Variants in SORD observed in about 807,000 individuals in gnomAD.
The protein encoded by SORD is sorbitol dehydrogenase.
A neutral mutation model predicts 35.6 loss-of-function variants in SORD; 18 were observed. The ratio of observed to expected loss-of-function variants is 0.51; its 90% CI spans 0.35 to 0.75. SORD has a LOEUF of 0.75. SORD is among the 30% of genes least tolerant of loss of function. The pLI is 0.01. For synonymous variants in SORD, 106 were observed against 152.9 expected, an observed-to-expected ratio of 0.69 and a Z score of 2.26; for missense variants, 250 against 390.2, an observed-to-expected ratio of 0.64 and a Z score of 3.03.
At chr15:45,049,096 G>A (rs1021318989) in intron 3 of SORD, among the ~76,000 whole-genome samples, 2 of 152,174 alleles carry the variant, frequency 1.3e-5, no homozygotes, top group African/African-American at 2.4e-5. Context: ...CTGATTACCC[G>A]AAGAACAGAG....
intron 1 of SORD, among the ~76,000 whole-genome samples, chr15:45,035,471 G>A (rs1444627995): frequency 7.9e-5 from 12 of 152,034 alleles, no homozygotes; most frequent in African/African-American, 2.7e-4. Flanking sequence ...ATCTGGGGGG[G>A]AGGTGGAAAA....
At chr15:45,036,147 G>A (rs1169726778) in intron 1 of SORD, 4 of 317,438 alleles carry the variant, frequency 1.3e-5, no homozygotes, top group Non-Finnish European at 1.2e-5. Context: ...GAACACATCC[G>A]AACATCAGAA....
rs150152838 is a variant in SORD at position 45,074,342 on chromosome 15, T to C, written c.*812T>C. On this transcript the variant is annotated 3_prime_UTR_variant, in exon 9 of 9. Transcript: ENST00000267814. ...CACCAGGCAACCAGGAAACTGCTAC[T>C]TGTGGACCTCACCAGAGACCAGGAG... 37,580 of 143,964 alleles carry C rather than the reference T, an allele frequency of 0.26. 953 individuals carry two copies. The highest frequency in any genetic ancestry group is 0.46 in the African/African-American group (16,600 of 36,140). 8.9% of individuals were successfully genotyped at this position (143,964 alleles called of 1,614,324 possible).
intron 1 of SORD, chr15:45,036,471 C>T (rs1892868546): frequency 2.5e-6 from 1 of 393,050 alleles, no homozygotes; most frequent in Non-Finnish European, 5.0e-6. Flanking sequence ...GCAGGCAGAT[C>T]AATTGAGGCC....
rs866140557 is a variant in SORD at position 45,054,233 on chromosome 15, G to A, written c.266-6834G>A. Among the ~76,000 whole-genome samples the A allele has an allele frequency of 8.9e-4, 136 of 152,304 alleles. No homozygotes were observed. The South Asian group carries it at 0.018, about 20-fold the overall frequency. On this transcript the variant is annotated intron_variant, in intron 3 of 8. Transcript: ENST00000267814. ...AGGAATTGCCACACTGACTTCCACA[G>A]TGGTTGAACTAGTTTACAGTCCCAC... is the stretch of plus-strand genomic sequence containing the variant.
At position 45,062,958 on chromosome 15, in the gene SORD, G is replaced by A. The variant is rs1187164100; in HGVS notation, c.425+1732G>A. Among the ~76,000 whole-genome samples, 6 of 148,354 alleles carry A rather than the reference G, an allele frequency of 4.0e-5. 1 individual carries two copies. The highest frequency in any genetic ancestry group is 1.6e-4 in the African/African-American group (6 of 38,204). On this transcript the variant is annotated intron_variant, in intron 4 of 8. Coordinates refer to ENST00000267814, the MANE Select transcript of SORD (RefSeq NM_003104.6). Reference sequence around the variant, plus strand: ...AGGTCTGGCACATAGTAAATGCTCAGTAAATGGTACCAAGCTATGCCATAG... The same window carrying A: ...AGGTCTGGCACATAGTAAATGCTCAATAAATGGTACCAAGCTATGCCATAG...
intron 1 of SORD, among the ~76,000 whole-genome samples, chr15:45,037,210 G>A (rs1892881708): frequency 6.6e-6 from 1 of 152,234 alleles, no homozygotes; most frequent in Non-Finnish European, 1.5e-5. Context: ...CATCAAGCGT[G>A]TTCTGCTACA....
rs1361479856 is a variant in SORD at position 45,023,331 on chromosome 15, A to C, written c.48A>C (p.Gly16=). Reference sequence around the variant, plus strand: ...ACAACCTTTCCCTGGTGGTGCACGGACCGGGGGACTTGCGCCTGGTAAGCT... The same window carrying C: ...ACAACCTTTCCCTGGTGGTGCACGGCCCGGGGGACTTGCGCCTGGTAAGCT... ...KPNNLSLVVH[G]PGDLRLENYP... The change falls in exon 1 of 9, where the codon GGA becomes GGC. Residue 16 remains glycine, a synonymous_variant. Transcript: ENST00000267814. The C allele has an allele frequency of 6.3e-7, 1 of 1,587,796 alleles. No homozygotes were observed. The highest frequency in any genetic ancestry group is 8.6e-7 in the Non-Finnish European group (1 of 1,168,326).
chr15:45,074,463 G>GT lies in SORD; in HGVS notation c.*935dup, dbSNP rs764436207. ...CAACTAGGCTCATACTCAATTGATG[G>GT]TTATTAGACAATTCCATTTCTTTCT... is the stretch of plus-strand genomic sequence containing the variant. On this transcript the variant is annotated 3_prime_UTR_variant, in exon 9 of 9. Coordinates refer to ENST00000267814, the MANE Select transcript of SORD (RefSeq NM_003104.6). 5 of 148,518 alleles carry GT rather than the reference G, an allele frequency of 3.4e-5. No individual in the cohort carries two copies. The highest frequency in any genetic ancestry group is 7.4e-5 in the Non-Finnish European group (5 of 67,578). 9.2% of individuals were successfully genotyped at this position (148,518 alleles called of 1,614,324 possible).
At chr15:45,035,037 C>G (rs1326358181) in intron 1 of SORD, among the ~76,000 whole-genome samples, 1 of 152,162 alleles carries the variant, frequency 6.6e-6, no homozygotes, top group Non-Finnish European at 1.5e-5. Flanking sequence ...CGGCGCTGCG[C>G]TCGATTTCTC....
At chr15:45,057,825 G>A (rs1274566928) in intron 3 of SORD, among the ~76,000 whole-genome samples, 2 of 152,090 alleles carry the variant, frequency 1.3e-5, no homozygotes, top group Non-Finnish European at 2.9e-5. Context: ...AGATTCACTG[G>A]GCAGTGCTGG....
At chr15:45,059,038 A>G (rs1419132437) in intron 3 of SORD, among the ~76,000 whole-genome samples, 2 of 152,178 alleles carry the variant, frequency 1.3e-5, no homozygotes, top group East Asian at 3.9e-4. Flanking sequence ...CTGATTACAC[A>G]GAGAACCAAG....
intron 3 of SORD, among the ~76,000 whole-genome samples, chr15:45,043,877 C>T (rs1893005912): frequency 1.3e-5 from 2 of 151,988 alleles, no homozygotes; most frequent in South Asian, 4.1e-4. Context: ...TTCATTTTTC[C>T]AGAGGGAGGA....
intron 4 of SORD, among the ~76,000 whole-genome samples, chr15:45,061,632 C>T (rs1893309741): frequency 6.6e-6 from 1 of 151,842 alleles, no homozygotes; most frequent in Non-Finnish European, 1.5e-5. Context: ...CTTTAGGAGG[C>T]CAAGGCCAGT....
chr15:45,023,320 G>A lies in SORD; in HGVS notation c.37G>A (p.Val13Met), dbSNP rs140070353. The change falls in exon 1 of 9, where the codon GTG becomes ATG. Residue 13 changes from valine to methionine, a missense_variant. Physicochemically the swap from Val to Met is conservative, Grantham distance 21 (BLOSUM62 1). Transcript: ENST00000267814. ...AAAKPNNLSL[V>M]VHGPGDLRLE... is the part of the protein sequence containing the mutation. ...GGCCAAGCCCAACAACCTTTCCCTG[G>A]TGGTGCACGGACCGGGGGACTTGCG... 5.7e-6 allele frequency: 9 copies of A among 1,591,480 alleles called. No homozygotes were observed. Among genetic ancestry groups the A allele is most frequent in the Non-Finnish European group, 7.7e-6 (9 of 1,170,230 alleles).
At chr15:45,040,025 C>G (rs1372329492) in intron 1 of SORD, among the ~76,000 whole-genome samples, 1 of 152,084 alleles carries the variant, frequency 6.6e-6, no homozygotes, top group African/African-American at 2.4e-5. Flanking sequence ...AGAGTCAGCT[C>G]TTCCTCAGTT....
At chr15:45,027,386 C>T (rs987639995) in intron 1 of SORD, among the ~76,000 whole-genome samples, 1 of 152,226 alleles carries the variant, frequency 6.6e-6, no homozygotes, top group East Asian at 1.9e-4. Context: ...TCAACTTCCC[C>T]GTGAAATGGG....
chr15:45,031,185 G>A (rs1029887828), intron 1 of SORD, among the ~76,000 whole-genome samples: 2 of 152,218 alleles, frequency 1.3e-5, no homozygotes, highest in South Asian at 2.1e-4. Flanking sequence ...GGGTGTGATA[G>A]CACACTCCTG....
intron 4 of SORD, among the ~76,000 whole-genome samples, chr15:45,064,414 G>A (rs1430230054): frequency 6.6e-6 from 1 of 152,202 alleles, no homozygotes; most frequent in Non-Finnish European, 1.5e-5. Flanking sequence ...AGGATTAAAT[G>A]AGATAATGGA....
Sources: gnomAD v4.1 joint callset for allele counts (sites outside exome capture counted in the v4.1 genomes callset) on GRCh38, gnomAD v4.1.1 for gene constraint, MANE v1.5 for transcripts, NCBI Gene and HGNC (gene_info 2026-07-23, HGNC 2026-07-21) for gene names.